Variants in NF1 observed in about 807,000 individuals in gnomAD.
NF1 encodes neurofibromin.
Under a neutral mutation model 325.7 loss-of-function variants are expected in NF1, and 122 were observed. The observed-to-expected ratio is 0.37, with a 90% CI of 0.32 to 0.44. NF1 has a LOEUF of 0.44. Ranked by LOEUF, NF1 falls within the 20% of genes least tolerant of loss-of-function variation. The probability of loss-of-function intolerance (pLI) is 1.00; values close to 1 mark genes in which losing one functional copy is unlikely to be tolerated. For missense variants in NF1, 2,140 were observed against 3,415.4 expected (o/e 0.63, Z 9.31); for synonymous variants, 1,091 against 1,186.0 (o/e 0.92, Z 1.65).
chr17:31,205,067 G>A (rs774536834), intron 11 of NF1, among the ~76,000 whole-genome samples: 3 of 152,112 alleles, frequency 2.0e-5, no homozygotes, highest in Non-Finnish European at 4.4e-5. Flanking sequence ...CCTGAATGGA[G>A]TTCAGTATTC....
intron 1 of NF1, among the ~76,000 whole-genome samples, chr17:31,142,347 T>C (rs1916279352): frequency 6.6e-6 from 1 of 152,172 alleles, no homozygotes; most frequent in Admixed American, 6.5e-5. Flanking sequence ...AAGTAATGTA[T>C]CTAACTGAAA....
At chr17:31,347,037 C>A (rs111278322) in intron 48 of NF1, among the ~76,000 whole-genome samples, 1,929 of 149,536 alleles carry the variant, frequency 0.013, 37 homozygotes, top group African/African-American at 0.038. Flanking sequence ...AAAAAAAAAA[C>A]CCCTGAAAGT....
intron 12 of NF1, 81 bp downstream of exon 12, chr17:31,206,452 T>C: frequency 6.4e-7 from 1 of 1,565,178 alleles, no homozygotes; most frequent in Non-Finnish European, 8.8e-7. Context: ...CCTGCTGCTT[T>C]GGTTATTTTA....
intron 36 of NF1, among the ~76,000 whole-genome samples, chr17:31,324,222 A>G (rs1337900249): frequency 6.6e-6 from 1 of 151,996 alleles, no homozygotes; most frequent in African/African-American, 2.4e-5. Flanking sequence ...ACGTGCCACC[A>G]CGCCCAGCTA....
rs1355988609 is a variant in NF1 at position 31,258,367 on chromosome 17, G to T, written c.4197G>T (p.Gln1399His). ...KKSVVSQRFP[Q>H]NSIGAVGSAM... is the part of the protein sequence containing the mutation. The stretch of plus-strand genomic sequence containing the variant: ...AGGTGGTTAGCCAGCGTTTCCCTCA[G>T]AACAGCATCGGTGCAGTAGGAAGTG... The change falls in exon 32 of 58, where the codon CAG (glutamine) becomes CAT (histidine). Residue 1399 changes from glutamine (Q) to histidine (H), a missense_variant. Physicochemically the swap from Gln to His is conservative, Grantham distance 24. Coordinates refer to ENST00000358273, the MANE Select transcript of NF1 (RefSeq NM_001042492.3). The T allele has an allele frequency of 6.2e-7, 1 of 1,613,766 alleles. No homozygotes were observed. The highest frequency in any genetic ancestry group is 8.5e-7 in the Non-Finnish European group (1 of 1,179,866).
intron 14 of NF1, among the ~76,000 whole-genome samples, chr17:31,220,175 T>C (rs774608956): frequency 2.6e-5 from 4 of 152,196 alleles, no homozygotes; most frequent in Non-Finnish European, 5.9e-5. Context: ...ATGAAGGTTT[T>C]AATAGTTCTG....
chr17:31,194,091 G>A (rs1481950890), intron 8 of NF1, among the ~76,000 whole-genome samples: 1 of 152,154 alleles, frequency 6.6e-6, no homozygotes, highest in African/African-American at 2.4e-5. Context: ...GTACTCCCAT[G>A]TTTATTGCAG....
intron 10 of NF1, 94 bp from the exon 11 acceptor site, chr17:31,201,317 T>A (rs553380406): frequency 3.1e-5 from 45 of 1,455,330 alleles, no homozygotes; most frequent in Middle Eastern, 4.1e-4. Context: ...GTTTTTTTTT[T>A]AAACTTTCTA....
At chr17:31,204,410 A>G (rs1338380300) in intron 11 of NF1, among the ~76,000 whole-genome samples, 1 of 152,078 alleles carries the variant, frequency 6.6e-6, no homozygotes, top group Admixed American at 6.6e-5. Flanking sequence ...CCATTTGGCT[A>G]TAAACATGGT....
chr17:31,257,231 A>G (rs2067598211), intron 31 of NF1, among the ~76,000 whole-genome samples: 1 of 152,150 alleles, frequency 6.6e-6, no homozygotes, highest in South Asian at 2.1e-4. Flanking sequence ...CTTTGAAATG[A>G]AGGTTTATCC....
chr17:31,295,466 A>T, intron 36 of NF1: 1 of 1,614,166 alleles, frequency 6.2e-7, no homozygotes, highest in African/African-American at 1.3e-5. Context: ...CAGAGAGTTA[A>T]TGGTGTCCAC....
intron 36 of NF1, among the ~76,000 whole-genome samples, chr17:31,288,522 G>GTTTTTTTTTTTTTTTTTTTTTTTTT (rs200926157): frequency 8.4e-6 from 1 of 119,666 alleles, no homozygotes; most frequent in African/African-American, 2.7e-5. Context: ...TTTTTGCTTT[G>GTTTTTTTTTTTTTTTTTTTTTTTTT]TTTTTTTTTT....
intron 1 of NF1, among the ~76,000 whole-genome samples, chr17:31,139,801 G>A (rs1256035085): frequency 1.3e-5 from 2 of 152,214 alleles, no homozygotes; most frequent in South Asian, 2.1e-4. Flanking sequence ...ACAAAGTAAG[G>A]AAGTAGGATT....
intron 5 of NF1, among the ~76,000 whole-genome samples, chr17:31,172,163 A>G (rs977393213): frequency 1.3e-5 from 2 of 152,104 alleles, no homozygotes; most frequent in Non-Finnish European, 2.9e-5. Flanking sequence ...AGACCCCCAT[A>G]TATACAAAAA....
At chr17:31,357,534 A>G (rs1314311535) in intron 54 of NF1, 165 bp downstream of exon 54, 3 of 648,910 alleles carry the variant, frequency 4.6e-6, no homozygotes, top group African/African-American at 1.8e-5. Context: ...GTTTTGACCT[A>G]CTAGATCTAT....
intron 10 of NF1, 121 bp from the exon 11 acceptor site, chr17:31,201,290 G>T (rs2143882539): frequency 6.7e-7 from 1 of 1,483,284 alleles, no homozygotes; most frequent in South Asian, 1.2e-5. Context: ...TTCGTTTCAA[G>T]ACCTTAAAAA....
intron 8 of NF1, among the ~76,000 whole-genome samples, chr17:31,190,126 G>A (rs1009743126): frequency 4.0e-5 from 6 of 149,546 alleles, no homozygotes; most frequent in African/African-American, 1.5e-4. Flanking sequence ...CATGGTGGCA[G>A]GCTCCTGTGA....
intron 1 of NF1, chr17:31,095,583 C>T (rs1003301254): frequency 5.2e-6 from 3 of 578,382 alleles, no homozygotes; most frequent in African/African-American, 3.9e-5. Flanking sequence ...GCACCCTTTC[C>T]CTCCTAAGTC....
At chr17:31,118,391 A>G (rs962303463) in intron 1 of NF1, among the ~76,000 whole-genome samples, 2 of 151,776 alleles carry the variant, frequency 1.3e-5, no homozygotes, top group Non-Finnish European at 2.9e-5. Context: ...TGCTGCACCC[A>G]TCAACCTGTC....
Sources: gnomAD v4.1 joint callset for allele counts (sites outside exome capture counted in the v4.1 genomes callset) on GRCh38, gnomAD v4.1.1 for gene constraint, MANE v1.5 for transcripts, NCBI Gene and HGNC (gene_info 2026-07-23, HGNC 2026-07-21) for gene names.